The following LRBA variants were observed in gnomAD, a reference collection of about 807,000 sequenced individuals.
LRBA encodes lipopolysaccharide-responsive and beige-like anchor protein.
In LRBA, 176 loss-of-function variants were observed where a neutral mutation model predicts 330.0. The observed-to-expected ratio is 0.53, with a 90% CI of 0.47 to 0.60. The LOEUF is 0.60. Among genes scored for constraint, LRBA ranks in the 20% least tolerant of loss-of-function variants. The pLI is 0.00. For missense variants in LRBA, 3,259 were observed against 3,444.8 expected (o/e 0.95, Z 1.35); for synonymous variants, 1,230 against 1,193.0 (o/e 1.03, Z -0.64).
At chr4:150,541,823 T>G (rs1359687734) in intron 40 of LRBA, among the ~76,000 whole-genome samples, 2 of 152,084 alleles carry the variant, frequency 1.3e-5, no homozygotes, top group African/African-American at 4.8e-5. Context: ...CAGCAATAGG[T>G]GCACACTATC....
intron 49 of LRBA, among the ~76,000 whole-genome samples, chr4:150,323,354 A>G (rs934391254): frequency 6.6e-6 from 1 of 152,232 alleles, no homozygotes; most frequent in African/African-American, 2.4e-5. Flanking sequence ...TCAGAGTACA[A>G]CATAATCATA....
chr4:150,989,063 C>T (rs886963348), intron 2 of LRBA, among the ~76,000 whole-genome samples: 1 of 152,002 alleles, frequency 6.6e-6, no homozygotes, highest in African/African-American at 2.4e-5. Flanking sequence ...AGTACAATGG[C>T]ACAATCTGGG....
chr4:150,371,010 T>C (rs978825728), intron 47 of LRBA, among the ~76,000 whole-genome samples: 1 of 152,036 alleles, frequency 6.6e-6, no homozygotes. Context: ...AAACCCTTCA[T>C]TCCCACCAAA....
chr4:150,596,541 C>T (rs1773503978), intron 38 of LRBA, among the ~76,000 whole-genome samples: 1 of 151,740 alleles, frequency 6.6e-6, no homozygotes, highest in Non-Finnish European at 1.5e-5. Flanking sequence ...GACATACTAT[C>T]CTCATTAATA....
chr4:150,679,161 G>A (rs1217151959), intron 37 of LRBA, among the ~76,000 whole-genome samples: 1 of 152,088 alleles, frequency 6.6e-6, no homozygotes, highest in African/African-American at 2.4e-5. Flanking sequence ...GGCTTAAAAG[G>A]AGAACCTGAT....
chr4:150,325,116 T>C (rs1169316919), intron 49 of LRBA, among the ~76,000 whole-genome samples: 1 of 152,144 alleles, frequency 6.6e-6, no homozygotes, highest in African/African-American at 2.4e-5. Context: ...TCTGTCTTCA[T>C]TCTCATGGGA....
chr4:150,876,707 A>T (rs1754064983), intron 17 of LRBA, among the ~76,000 whole-genome samples: 1 of 152,228 alleles, frequency 6.6e-6, no homozygotes, highest in Admixed American at 6.5e-5. Context: ...AGAGATCCTT[A>T]AGGGAGTTCT....
At chr4:150,835,552 A>T (rs1424594929) in intron 28 of LRBA, among the ~76,000 whole-genome samples, 2 of 151,632 alleles carry the variant, frequency 1.3e-5, no homozygotes, top group African/African-American at 2.4e-5. Flanking sequence ...TAGGTATTTT[A>T]TTTTTTTTGA....
chr4:150,656,041 T>C (rs1053143348), intron 37 of LRBA, among the ~76,000 whole-genome samples: 1 of 152,176 alleles, frequency 6.6e-6, no homozygotes, highest in African/African-American at 2.4e-5. Context: ...AGATGTGTGA[T>C]CAGATTCTGG....
chr4:150,537,652 T>C (rs112824452), intron 40 of LRBA, among the ~76,000 whole-genome samples: 3 of 151,994 alleles, frequency 2.0e-5, no homozygotes, highest in African/African-American at 7.2e-5. Context: ...AAGAACCCCA[T>C]TAAAAAGTGA....
At chr4:150,313,696 A>C (rs1731351780) in intron 51 of LRBA, among the ~76,000 whole-genome samples, 1 of 151,736 alleles carries the variant, frequency 6.6e-6, no homozygotes. Context: ...AGTTTCCCTT[A>C]TCTGAAACAC....
chr4:150,482,842 G>C (rs1757440412), intron 42 of LRBA, among the ~76,000 whole-genome samples: 2 of 151,794 alleles, frequency 1.3e-5, no homozygotes, highest in South Asian at 2.1e-4. Context: ...TGAAGTATCT[G>C]TTCAAAACTT....
At chr4:150,307,796 G>A (rs548371824) in intron 52 of LRBA, among the ~76,000 whole-genome samples, 2 of 152,240 alleles carry the variant, frequency 1.3e-5, no homozygotes, top group East Asian at 1.9e-4. Flanking sequence ...AAAGAGGAGT[G>A]TTTAGGTTCA....
At position 150,879,306 on chromosome 4, in the gene LRBA, A is replaced by G. The variant is rs191387349; in HGVS notation, c.2166-6551T>C. Among the ~76,000 whole-genome samples the G allele has an allele frequency of 4.6e-5, 7 of 152,350 alleles. No individual in the cohort carries two copies. In the East Asian group the frequency reaches 5.8e-4, roughly 13 times the overall value. ...AATAGATGTGGAAAAAACTTTCAAT[A>G]AAATCCAGCATCTCTTCATCATAAA... On this transcript the variant is annotated intron_variant, in intron 17 of 56. Coordinates refer to ENST00000651943, the MANE Select transcript of LRBA (RefSeq NM_001364905.1).
chr4:150,531,873 A>G (rs765861377), intron 40 of LRBA, among the ~76,000 whole-genome samples: 3 of 152,218 alleles, frequency 2.0e-5, no homozygotes, highest in Non-Finnish European at 4.4e-5. Flanking sequence ...CACTTTCCAG[A>G]TCTCAAATGT....
chr4:150,966,231 C>G (rs1403346323), intron 2 of LRBA, among the ~76,000 whole-genome samples: 1 of 151,730 alleles, frequency 6.6e-6, no homozygotes, highest in African/African-American at 2.4e-5. Context: ...GCATTAAAAG[C>G]AAAATACCCA....
intron 40 of LRBA, among the ~76,000 whole-genome samples, chr4:150,519,933 A>C (rs752559534): frequency 1.3e-5 from 2 of 152,168 alleles, no homozygotes; most frequent in African/African-American, 4.8e-5. Flanking sequence ...CAAGACAACA[A>C]ATTGTGCTGA....
rs566106502 is a variant in LRBA at position 151,007,518 on chromosome 4, C to CA, written c.216+6908dup. On this transcript the variant is annotated intron_variant, in intron 2 of 56. Coordinates refer to ENST00000651943, the MANE Select transcript of LRBA (RefSeq NM_001364905.1). ...AGACTCTGTCTCAAAAAAAAAAAAA[C>CA]AAAAAAAAAAATGGCACTCTTAACA... is the stretch of plus-strand genomic sequence containing the variant. Among the ~76,000 whole-genome samples, 1,065 of 114,702 alleles carry CA rather than the reference C, an allele frequency of 9.3e-3. 14 individuals are homozygous for CA. Among genetic ancestry groups the CA allele is most frequent in the African/African-American group, 0.031 (934 of 30,464 alleles). 75.2% of individuals were successfully genotyped at this position (114,702 alleles called of 152,430 possible). A position where few individuals can be genotyped will look rare whatever the true frequency, so the allele number is the denominator to read the frequency against.
intron 47 of LRBA, among the ~76,000 whole-genome samples, chr4:150,399,446 C>T (rs775476335): frequency 6.6e-6 from 1 of 152,126 alleles, no homozygotes; most frequent in Non-Finnish European, 1.5e-5. Context: ...ATTCTTTCAG[C>T]AAACATGACC....
Sources: gnomAD v4.1 joint callset for allele counts (sites outside exome capture counted in the v4.1 genomes callset) on GRCh38, gnomAD v4.1.1 for gene constraint, MANE v1.5 for transcripts, NCBI Gene and HGNC (gene_info 2026-07-23, HGNC 2026-07-21) for gene names.